The following CPNE4 variants were observed in gnomAD, a reference collection of about 807,000 sequenced individuals.
CPNE4 encodes copine 4.
Under a neutral mutation model 67.9 loss-of-function variants are expected in CPNE4, and 25 were observed. The ratio of observed to expected loss-of-function variants is 0.37; its 90% CI spans 0.27 to 0.51. CPNE4 has a LOEUF of 0.51. Among genes scored for constraint, CPNE4 ranks in the 20% least tolerant of loss-of-function variants. CPNE4 has a pLI of 0.93. For missense variants in CPNE4, 464 were observed against 690.8 expected (o/e 0.67, Z 3.68); for synonymous variants, 242 against 244.9 (o/e 0.99, Z 0.11).
chr3:132,020,992 T>C (rs948491813), intron 1 of CPNE4, among the ~76,000 whole-genome samples: 1 of 152,236 alleles, frequency 6.6e-6, no homozygotes, highest in Non-Finnish European at 1.5e-5. Context: ...GGTAAGATTC[T>C]TGATAGCACT....
At chr3:131,783,605 C>G (rs1050095104) in intron 2 of CPNE4, among the ~76,000 whole-genome samples, 2 of 151,854 alleles carry the variant, frequency 1.3e-5, no homozygotes, top group Non-Finnish European at 2.9e-5. Flanking sequence ...ATTTTTGCAG[C>G]CTGGTTGTAT....
intron 7 of CPNE4, among the ~76,000 whole-genome samples, chr3:131,602,999 A>G (rs904611224): frequency 1.3e-5 from 2 of 152,168 alleles, no homozygotes; most frequent in African/African-American, 4.8e-5. Flanking sequence ...AAGCACTGCT[A>G]TAAAAAGTTC....
chr3:131,555,913 G>A (rs60602680), intron 11 of CPNE4, among the ~76,000 whole-genome samples: 5,402 of 152,156 alleles, frequency 0.036, 228 homozygotes, highest in African/African-American at 0.097. Context: ...ATGGTTGACT[G>A]TGTTAGAACC....
At chr3:131,729,695 G>A (rs2107758369) in intron 2 of CPNE4, among the ~76,000 whole-genome samples, 1 of 152,292 alleles carries the variant, frequency 6.6e-6, no homozygotes, top group Non-Finnish European at 1.5e-5. Flanking sequence ...GTCTCATGTG[G>A]AAACTTGAAT....
intron 10 of CPNE4, among the ~76,000 whole-genome samples, chr3:131,571,447 T>C (rs6808429): frequency 0.28 from 43,180 of 151,976 alleles, 8,258 homozygotes; most frequent in African/African-American, 0.54. Context: ...AAAGTACCTC[T>C]GACGTGTCCA....
chr3:131,953,563 A>G (rs1023598782), intron 1 of CPNE4, among the ~76,000 whole-genome samples: 9 of 152,228 alleles, frequency 5.9e-5, no homozygotes, highest in Non-Finnish European at 1.2e-4. Context: ...TCCCTGGGGT[A>G]AATTTCACTT....
chr3:131,570,594 A>G (rs560681223), intron 10 of CPNE4, among the ~76,000 whole-genome samples: 97 of 152,124 alleles, frequency 6.4e-4, no homozygotes, highest in South Asian at 4.8e-3. Flanking sequence ...GCCAAACCCA[A>G]TCTCTCACCC....
chr3:131,555,564 T>C lies in CPNE4; in HGVS notation c.1062-13A>G, dbSNP rs990201782. ...GAACATTTTGTCACTGAAACCAAAATGAAGAAAAGAAAAAACAAGAAGTTG... is the reference window on the plus strand; with the variant it reads ...GAACATTTTGTCACTGAAACCAAAACGAAGAAAAGAAAAAACAAGAAGTTG... On this transcript the variant is annotated splice_polypyrimidine_tract_variant and intron_variant, in intron 11 of 15. Coordinates refer to ENST00000429747, the MANE Select transcript of CPNE4 (RefSeq NM_130808.3). 6.2e-7 allele frequency: 1 copy of C among 1,610,970 alleles called. No homozygotes were observed. Among genetic ancestry groups the C allele is most frequent in the African/African-American group, 1.3e-5 (1 of 74,732 alleles).
chr3:131,923,067 C>A (rs992528402), intron 1 of CPNE4, among the ~76,000 whole-genome samples: 13 of 152,268 alleles, frequency 8.5e-5, no homozygotes, highest in African/African-American at 3.1e-4. Context: ...TGGACCAGTT[C>A]ATTGAACATG....
chr3:131,875,722 C>T (rs1005710717), intron 2 of CPNE4, among the ~76,000 whole-genome samples: 1 of 151,914 alleles, frequency 6.6e-6, no homozygotes, highest in African/African-American at 2.4e-5. Context: ...AGGAGATATA[C>T]CTAATGTTAA....
chr3:131,618,509 AT>A (rs1242930513), intron 7 of CPNE4, among the ~76,000 whole-genome samples: 1 of 152,122 alleles, frequency 6.6e-6, no homozygotes, highest in Non-Finnish European at 1.5e-5. Flanking sequence ...GCTACTGGAA[AT>A]TGTATTAGTC....
chr3:131,572,837 C>G (rs905700100), intron 10 of CPNE4, among the ~76,000 whole-genome samples: 5 of 152,072 alleles, frequency 3.3e-5, no homozygotes, highest in Admixed American at 1.3e-4. Flanking sequence ...TGCCCACCTC[C>G]ATGCCAGGAA....
chr3:131,743,878 G>A (rs2082413070), intron 2 of CPNE4, among the ~76,000 whole-genome samples: 1 of 144,500 alleles, frequency 6.9e-6, no homozygotes, highest in Non-Finnish European at 1.5e-5. Context: ...CAGGAGAATG[G>A]CGTGAACCCG....
chr3:131,727,469 AAAAG>A (rs1363647427), intron 2 of CPNE4, among the ~76,000 whole-genome samples: 1 of 132,672 alleles, frequency 7.5e-6, no homozygotes, highest in Non-Finnish European at 1.7e-5. Flanking sequence ...CGTCTCAAAA[AAAAG>A]AAAAAAAAAT....
At chr3:131,958,161 A>G (rs2072032076) in intron 1 of CPNE4, among the ~76,000 whole-genome samples, 2 of 152,256 alleles carry the variant, frequency 1.3e-5, no homozygotes, top group South Asian at 2.1e-4. Flanking sequence ...CATTCCAGAC[A>G]TTCCATTAGG....
At chr3:132,004,158 C>T (rs1405656697) in intron 1 of CPNE4, among the ~76,000 whole-genome samples, 1 of 151,320 alleles carries the variant, frequency 6.6e-6, no homozygotes, top group Admixed American at 6.6e-5. Context: ...TCATTTAATT[C>T]TCTTCTGTGA....
At chr3:131,770,229 G>A (rs1032868141) in intron 2 of CPNE4, among the ~76,000 whole-genome samples, 3 of 152,132 alleles carry the variant, frequency 2.0e-5, no homozygotes, top group Non-Finnish European at 2.9e-5. Flanking sequence ...AGCTTTTCCT[G>A]TTGTCCTGGA....
At chr3:131,803,848 T>C (rs752906056) in intron 2 of CPNE4, among the ~76,000 whole-genome samples, 3 of 152,202 alleles carry the variant, frequency 2.0e-5, no homozygotes, top group Non-Finnish European at 4.4e-5. Flanking sequence ...ATCAAAATGG[T>C]GGTCAGGAAG....
rs528986951 is a variant in CPNE4 at position 131,718,263 on chromosome 3, G to A, written c.360+5183C>T. On this transcript the variant is annotated intron_variant, in intron 3 of 15. Transcript: ENST00000429747. ...CAGCCTCAGCGTGCTTGGATTACAG[G>A]CGTGAGCCACTGCACCCGGCCAAAG... Among the ~76,000 whole-genome samples, 5 of 152,114 alleles carry A rather than the reference G, an allele frequency of 3.3e-5. No homozygotes were observed. The South Asian group carries it at 6.2e-4, about 19-fold the overall frequency.
Sources: allele counts gnomAD v4.1 joint callset (sites outside exome capture counted in the v4.1 genomes callset), GRCh38; gene constraint gnomAD v4.1.1; transcripts MANE v1.5; gene names NCBI Gene and HGNC (gene_info 2026-07-23, HGNC 2026-07-21).